Variants in NAV2 observed in about 807,000 individuals in gnomAD.
NAV2 encodes the protein helicase, APC down-regulated 1.
A neutral mutation model predicts 223.2 loss-of-function variants in NAV2; 54 were observed. The observed-to-expected ratio is 0.24, with a 90% confidence interval of 0.19 to 0.30. NAV2 has a LOEUF of 0.30. Among genes scored for constraint, NAV2 ranks in the 10% least tolerant of loss-of-function variants. NAV2 has a pLI of 1.00. For missense variants in NAV2, 2,806 were observed against 3,147.5 expected (o/e 0.89, Z 2.60); for synonymous variants, 1,279 against 1,239.3 (o/e 1.03, Z -0.67).
chr11:19,705,146 G>A (rs2049626386), intron 1 of NAV2, among the ~76,000 whole-genome samples: 1 of 151,796 alleles, frequency 6.6e-6, no homozygotes, highest in African/African-American at 2.4e-5. Context: ...GTGAAAAAGT[G>A]GGTGGAGAAT....
At chr11:19,852,892 A>G (rs938160458) in intron 3 of NAV2, among the ~76,000 whole-genome samples, 2 of 152,252 alleles carry the variant, frequency 1.3e-5, no homozygotes, top group Non-Finnish European at 2.9e-5. Context: ...AAATTTTAAT[A>G]TTTTGAGCGC....
At chr11:19,478,448 A>G (rs1377595704) in intron 1 of NAV2, among the ~76,000 whole-genome samples, 1 of 152,324 alleles carries the variant, frequency 6.6e-6, no homozygotes, top group Middle Eastern at 3.4e-3. Context: ...GCCAGTTTGG[A>G]GTTCACTGAA....
chr11:19,882,854 C>T (rs1220204093), intron 5 of NAV2, among the ~76,000 whole-genome samples: 2 of 152,132 alleles, frequency 1.3e-5, no homozygotes, highest in African/African-American at 4.8e-5. Flanking sequence ...TTCATCTTGC[C>T]CAGGTTGGGT....
At chr11:19,661,076 C>A (rs2048266599) in intron 1 of NAV2, among the ~76,000 whole-genome samples, 1 of 152,076 alleles carries the variant, frequency 6.6e-6, no homozygotes, top group Non-Finnish European at 1.5e-5. Context: ...AAACTCTCTA[C>A]CCCTGAAATA....
intron 1 of NAV2, among the ~76,000 whole-genome samples, chr11:19,507,517 T>C (rs1408374230): frequency 6.6e-6 from 1 of 152,198 alleles, no homozygotes; most frequent in African/African-American, 2.4e-5. Context: ...GAGCCTGGGT[T>C]TGAATCTGCA....
At chr11:19,864,291 A>G (rs1015361718) in intron 3 of NAV2, among the ~76,000 whole-genome samples, 3 of 152,234 alleles carry the variant, frequency 2.0e-5, no homozygotes, top group Middle Eastern at 3.2e-3. Context: ...GGTAGCACCC[A>G]TAGAGATGGT....
chr11:19,715,936 G>A (rs1821897110), intron 1 of NAV2, among the ~76,000 whole-genome samples: 1 of 152,138 alleles, frequency 6.6e-6, no homozygotes, highest in Non-Finnish European at 1.5e-5. Context: ...AGGGGTTCTG[G>A]GGGCTCTTCC....
At position 19,935,863 on chromosome 11, in the gene NAV2, T is replaced by TGTTTTTTTTTTTTTTTG. The variant is rs553290951; in HGVS notation, c.2033+1586_2033+1587insGTTTTTTTTTTTTTTTG. ...TTGTTTTGTTTCTGTTTTTTTTTTTTTTTTTTTTTTTTGAGATGGAGTGTC... is the reference window on the plus strand; with the variant it reads ...TTGTTTTGTTTCTGTTTTTTTTTTTTGTTTTTTTTTTTTTTTGTTTTTTTTTTTTGAGATGGAGTGTC... On this transcript the variant is annotated intron_variant, in intron 7 of 37. Transcript: ENST00000349880. 1.2e-3 allele frequency among the ~76,000 whole-genome samples: 129 copies of TGTTTTTTTTTTTTTTTG among 110,174 alleles called. 2 individuals carry two copies. Among genetic ancestry groups the TGTTTTTTTTTTTTTTTG allele is most frequent in the East Asian group, 2.9e-3 (10 of 3,448 alleles). The allele number at this position is 110,174 out of a possible 152,430, so 72.3% of individuals were successfully genotyped here.
chr11:19,877,663 G>A (rs1195522635), intron 4 of NAV2, among the ~76,000 whole-genome samples: 1 of 151,528 alleles, frequency 6.6e-6, no homozygotes, highest in Non-Finnish European at 1.5e-5. Context: ...TAGTAGAGAT[G>A]GGGTTTCACC....
intron 1 of NAV2, among the ~76,000 whole-genome samples, chr11:19,416,712 A>C (rs1337407647): frequency 1.3e-5 from 2 of 152,174 alleles, no homozygotes; most frequent in South Asian, 2.1e-4. Context: ...CAAGGCTACA[A>C]TAACCGAAAC....
chr11:19,644,916 G>A (rs557665123), intron 1 of NAV2, among the ~76,000 whole-genome samples: 2 of 152,348 alleles, frequency 1.3e-5, no homozygotes, highest in South Asian at 2.1e-4. Context: ...CCAGTTGCTT[G>A]GTTGTGGTTG....
intron 36 of NAV2, among the ~76,000 whole-genome samples, chr11:20,111,598 C>G (rs1044307444): frequency 1.3e-5 from 2 of 152,234 alleles, no homozygotes; most frequent in Non-Finnish European, 2.9e-5. Context: ...TCATTGGAAA[C>G]ACTTGCCAAA....
At chr11:19,474,617 T>C (rs1289580322) in intron 1 of NAV2, among the ~76,000 whole-genome samples, 1 of 152,218 alleles carries the variant, frequency 6.6e-6, no homozygotes, top group East Asian at 1.9e-4. Flanking sequence ...GGGTGATCTA[T>C]AGAGCTGCAA....
intron 6 of NAV2, among the ~76,000 whole-genome samples, chr11:19,894,972 C>A (rs911035109): frequency 1.3e-5 from 2 of 151,436 alleles, no homozygotes; most frequent in Non-Finnish European, 3.0e-5. Context: ...TCAGTTGATC[C>A]GCCCGCCTCT....
At position 19,804,026 on chromosome 11, in the gene NAV2, A is replaced by T. The variant is rs549922815; in HGVS notation, c.268-28458A>T. Among the ~76,000 whole-genome samples, 3 of 152,302 alleles carry T rather than the reference A, an allele frequency of 2.0e-5. No individual in the cohort carries two copies. The South Asian group carries it at 6.2e-4, about 32-fold the overall frequency. ...AAGGTGATCTGTGGCCAATTTGCTT[A>T]ATGACTTTTACTACTTACTTTCTGA... On this transcript the variant is annotated intron_variant, in intron 1 of 37. Transcript: ENST00000349880.
intron 3 of NAV2, among the ~76,000 whole-genome samples, chr11:19,862,572 A>G (rs539419903): frequency 1.3e-5 from 2 of 152,314 alleles, no homozygotes; most frequent in South Asian, 4.1e-4. Context: ...ATGCTCCCGA[A>G]TATTTCCATA....
intron 1 of NAV2, among the ~76,000 whole-genome samples, chr11:19,685,422 C>G (rs1590087588): frequency 6.6e-6 from 1 of 152,106 alleles, no homozygotes; most frequent in Admixed American, 6.5e-5. Context: ...GACCACACCC[C>G]CTTCCCAATA....
At chr11:19,730,314 G>A (rs957156812) in intron 1 of NAV2, among the ~76,000 whole-genome samples, 3 of 152,122 alleles carry the variant, frequency 2.0e-5, no homozygotes, top group Non-Finnish European at 2.9e-5. Context: ...TGCTGCTGCC[G>A]GCTGCTTTCA....
At chr11:19,484,786 A>T (rs2042389869) in intron 1 of NAV2, among the ~76,000 whole-genome samples, 1 of 152,204 alleles carries the variant, frequency 6.6e-6, no homozygotes, top group Non-Finnish European at 1.5e-5. Context: ...GGATGGACCC[A>T]CAGGTGTAAG....
Sources: gnomAD v4.1 joint callset for allele counts (sites outside exome capture counted in the v4.1 genomes callset) on GRCh38, gnomAD v4.1.1 for gene constraint, MANE v1.5 for transcripts, NCBI Gene and HGNC (gene_info 2026-07-23, HGNC 2026-07-21) for gene names.